TSPAN5: variants seen among roughly 807,000 people sequenced by gnomAD.
The protein encoded by TSPAN5 is tetraspanin-5.
TSPAN5 carries 10 observed loss-of-function variants against 37.1 expected under a neutral mutation model. The ratio of observed to expected loss-of-function variants is 0.27; its 90% CI spans 0.17 to 0.46. The LOEUF (loss-of-function observed/expected upper bound fraction) is 0.46. Among genes scored for constraint, TSPAN5 ranks in the 20% least tolerant of loss-of-function variants. The pLI, the probability that TSPAN5 is intolerant of heterozygous loss-of-function variation, is 1.00. For missense variants in TSPAN5, 195 were observed against 326.6 expected, an observed-to-expected ratio of 0.60 and a Z score of 3.11; for synonymous variants, 110 against 118.9, an observed-to-expected ratio of 0.93 and a Z score of 0.48.
intron 1 of TSPAN5, among the ~76,000 whole-genome samples, chr4:98,638,517 T>G (rs1034343397): frequency 1.3e-5 from 2 of 152,222 alleles, no homozygotes; most frequent in African/African-American, 2.4e-5. Flanking sequence ...ACACCGGCAT[T>G]TGGTTTCTTT....
chr4:98,618,838 G>A (rs968056943), intron 1 of TSPAN5, among the ~76,000 whole-genome samples: 1 of 152,170 alleles, frequency 6.6e-6, no homozygotes. Context: ...GGCAAAGACA[G>A]GGAAATTGGC....
chr4:98,520,210 C>T (rs766006145), intron 1 of TSPAN5, among the ~76,000 whole-genome samples: 8 of 152,108 alleles, frequency 5.3e-5, no homozygotes, highest in Non-Finnish European at 1.2e-4. Context: ...CCACCAAAGC[C>T]CATAGAGCAA....
intron 1 of TSPAN5, among the ~76,000 whole-genome samples, chr4:98,551,772 TTACAGGCATGA>T: frequency 6.6e-6 from 1 of 152,024 alleles, no homozygotes; most frequent in Non-Finnish European, 1.5e-5. Flanking sequence ...AGTGCTGGGA[TTACAGGCATGA>T]GCCACTGCAC....
intron 1 of TSPAN5, among the ~76,000 whole-genome samples, chr4:98,518,928 C>T (rs1753796660): frequency 6.6e-6 from 1 of 152,194 alleles, no homozygotes; most frequent in African/African-American, 2.4e-5. Flanking sequence ...ACCAAGGGAC[C>T]AGCAAGCCAT....
chr4:98,569,166 G>A (rs1259821474), intron 1 of TSPAN5, among the ~76,000 whole-genome samples: 1 of 152,142 alleles, frequency 6.6e-6, no homozygotes, highest in Non-Finnish European at 1.5e-5. Context: ...TTATGATTTG[G>A]CTTCCCACGA....
At position 98,472,545 on chromosome 4, in the gene TSPAN5, C is replaced by T. The variant is rs147530137; in HGVS notation, c.784G>A (p.Glu262Lys). 9.9e-6 allele frequency: 16 copies of T among 1,613,824 alleles called. No individual in the cohort carries two copies. The highest frequency in any genetic ancestry group is 2.2e-5 in the East Asian group (1 of 44,882). ...CLAQNLVSDI[E>K]AVRASW ...GTCTACCAGCTCGCCCTGACAGCTTCGATATCGCTAACCAAATTCTGGGCC... is the reference window on the plus strand; with the variant it reads ...GTCTACCAGCTCGCCCTGACAGCTTTGATATCGCTAACCAAATTCTGGGCC... The change falls in exon 8 of 8, where the codon GAA becomes AAA. Residue 262 changes from glutamate to lysine, a missense_variant. Physicochemically the swap from Glu to Lys is moderately conservative, Grantham distance 56 (BLOSUM62 1). Coordinates refer to ENST00000305798, the MANE Select transcript of TSPAN5 (RefSeq NM_005723.4).
chr4:98,574,006 G>GTATT (rs1210110338), intron 1 of TSPAN5, among the ~76,000 whole-genome samples: 1 of 152,126 alleles, frequency 6.6e-6, no homozygotes, highest in African/African-American at 2.4e-5. Flanking sequence ...CGCATCAACT[G>GTATT]TATTTACAAA....
At chr4:98,613,161 C>T (rs28670242) in intron 1 of TSPAN5, among the ~76,000 whole-genome samples, 2 of 148,540 alleles carry the variant, frequency 1.3e-5, no homozygotes, top group African/African-American at 5.0e-5. Context: ...TTTAATTCCA[C>T]GGGTGATTCA....
chr4:98,613,823 C>T (rs1383062242), intron 1 of TSPAN5, among the ~76,000 whole-genome samples: 2 of 151,960 alleles, frequency 1.3e-5, no homozygotes, highest in Non-Finnish European at 2.9e-5. Context: ...AATGCATGGT[C>T]GCTGTTACTA....
At chr4:98,492,857 C>A (rs1424267686) in intron 2 of TSPAN5, among the ~76,000 whole-genome samples, 2 of 152,122 alleles carry the variant, frequency 1.3e-5, no homozygotes, top group Non-Finnish European at 2.9e-5. Context: ...TCCAATTCTG[C>A]ATGTAAACTT....
chr4:98,615,425 C>G (rs1756301782), intron 1 of TSPAN5, among the ~76,000 whole-genome samples: 1 of 152,168 alleles, frequency 6.6e-6, no homozygotes, highest in African/African-American at 2.4e-5. Context: ...CTTCTCTTCA[C>G]TAAAAATGTC....
In TSPAN5 at chr4:98,510,893, T is replaced by G. The variant is rs115020312; in HGVS notation, c.82-3165A>C. ...TATTCTCAGACCATATGTTTTGTTTTAAAATCAAGTTGTTCCAGTTCCCAA... is the reference window on the plus strand; with the variant it reads ...TATTCTCAGACCATATGTTTTGTTTGAAAATCAAGTTGTTCCAGTTCCCAA... On this transcript the variant is annotated intron_variant, in intron 1 of 7. Transcript: ENST00000305798. Among the ~76,000 whole-genome samples, 492 of 152,298 alleles carry G rather than the reference T, an allele frequency of 3.2e-3. 6 individuals carry two copies. Among genetic ancestry groups the G allele is most frequent in the Admixed American group, 0.021 (321 of 15,302 alleles).
intron 1 of TSPAN5, among the ~76,000 whole-genome samples, chr4:98,591,006 G>C (rs1755619726): frequency 1.3e-5 from 2 of 151,784 alleles, no homozygotes; most frequent in Admixed American, 6.6e-5. Context: ...CCTAACTCTT[G>C]GTTCCCAGTC....
chr4:98,531,224 C>A (rs146576143), intron 1 of TSPAN5, among the ~76,000 whole-genome samples: 2,482 of 152,272 alleles, frequency 0.016, 35 homozygotes, highest in Non-Finnish European at 0.026. Flanking sequence ...TCCCCTACCC[C>A]CTACCCCACG....
chr4:98,638,141 G>A (rs1756896045), intron 1 of TSPAN5, among the ~76,000 whole-genome samples: 1 of 152,072 alleles, frequency 6.6e-6, no homozygotes, highest in South Asian at 2.1e-4. Flanking sequence ...GGCTGTCTAC[G>A]CTCCTGATGC....
intron 1 of TSPAN5, among the ~76,000 whole-genome samples, chr4:98,514,977 G>A (rs1753696962): frequency 6.6e-6 from 1 of 152,196 alleles, no homozygotes; most frequent in Admixed American, 6.5e-5. Context: ...GCAGAAGACA[G>A]AGGAGGCACT....
In TSPAN5 at chr4:98,472,366, T is replaced by A. The variant is rs1752606925; in HGVS notation, c.*156A>T. ...TTTTAATTCTGTCAGTGAGCAGCAT[T>A]TCCCAGTTTTACACTCCCCTAATGG... On this transcript the variant is annotated 3_prime_UTR_variant, in exon 8 of 8. Transcript: ENST00000305798. The A allele has an allele frequency of 3.8e-6, 2 of 522,460 alleles. No homozygotes were observed. Among genetic ancestry groups the A allele is most frequent in the Non-Finnish European group, 6.6e-6 (2 of 301,218 alleles). The allele number at this position is 522,460 out of a possible 1,614,324, so 32.4% of individuals were successfully genotyped here. A position where few individuals can be genotyped will look rare whatever the true frequency, so the allele number is the denominator to read the frequency against.
chr4:98,617,337 T>C (rs1756364454), intron 1 of TSPAN5, among the ~76,000 whole-genome samples: 1 of 152,098 alleles, frequency 6.6e-6, no homozygotes, highest in African/African-American at 2.4e-5. Flanking sequence ...AGAGATTAAG[T>C]AATTCGCCCA....
intron 1 of TSPAN5, among the ~76,000 whole-genome samples, chr4:98,509,442 A>T (rs940126455): frequency 2.6e-5 from 4 of 152,210 alleles, no homozygotes; most frequent in African/African-American, 9.6e-5. Flanking sequence ...TGCTCCGAAA[A>T]CATAGTGGTG....
Sources: gnomAD v4.1 joint callset for allele counts (sites outside exome capture counted in the v4.1 genomes callset) on GRCh38, gnomAD v4.1.1 for gene constraint, MANE v1.5 for transcripts, NCBI Gene and HGNC (gene_info 2026-07-23, HGNC 2026-07-21) for gene names.